Variants in BTBD7 observed in about 807,000 individuals in gnomAD.
BTBD7 encodes the protein BTB/POZ domain-containing protein 7.
A neutral mutation model predicts 99.9 loss-of-function variants in BTBD7; 38 were observed. That is an observed-to-expected ratio of 0.38 (90% CI 0.29 to 0.50). The LOEUF (loss-of-function observed/expected upper bound fraction) is 0.50. Among genes scored for constraint, BTBD7 ranks in the 20% least tolerant of loss-of-function variants. The pLI is 0.93. For synonymous variants in BTBD7, 520 were observed against 511.4 expected, an observed-to-expected ratio of 1.02 and a Z score of -0.23; for missense variants, 1,170 against 1,394.6, an observed-to-expected ratio of 0.84 and a Z score of 2.57.
At chr14:93,317,685 G>C (rs985382517) in intron 1 of BTBD7, among the ~76,000 whole-genome samples, 1 of 152,220 alleles carries the variant, frequency 6.6e-6, no homozygotes, top group African/African-American at 2.4e-5. Context: ...TGCATGCAAA[G>C]ATGGCCCTTG....
chr14:93,288,607 G>T (rs1409203401), intron 3 of BTBD7: 2 of 1,003,504 alleles, frequency 2.0e-6, no homozygotes, highest in Admixed American at 3.4e-5. Flanking sequence ...TTCCTCAAAT[G>T]TCCAGTTATC....
At chr14:93,259,147 C>G (rs1053311522) in intron 5 of BTBD7, among the ~76,000 whole-genome samples, 1 of 152,192 alleles carries the variant, frequency 6.6e-6, no homozygotes, top group Non-Finnish European at 1.5e-5. Context: ...CTGGGTACAA[C>G]ATTTTTGTCC....
In BTBD7 at chr14:93,307,502, A is replaced by G. The variant is rs537018867; in HGVS notation, c.-106-11345T>C. Among the ~76,000 whole-genome samples the G allele has an allele frequency of 5.9e-5, 9 of 152,242 alleles. No individual in the cohort carries two copies. The South Asian group carries it at 1.9e-3, about 32-fold the overall frequency. ...ATCTTACAACAATTGATTTCCTCAT[A>G]TAGGTACTAGGTACTGGTCAAGATA... On this transcript the variant is annotated intron_variant, in intron 1 of 10. Coordinates refer to ENST00000334746, the MANE Select transcript of BTBD7 (RefSeq NM_001002860.4).
chr14:93,281,510 T>C (rs979866256), intron 3 of BTBD7, among the ~76,000 whole-genome samples: 2 of 152,248 alleles, frequency 1.3e-5, no homozygotes, highest in Admixed American at 6.5e-5. Context: ...CTTTTAGTAT[T>C]ATCTGTGTTA....
rs201292415 is a variant in BTBD7 at position 93,310,419 on chromosome 14, A to AT, written c.-106-14263dup. ...GCATATGGGTTCCTCCCCCTTTACA[A>AT]TTTTTTTTTGTTGAAGAAATCAGGT... On this transcript the variant is annotated intron_variant, in intron 1 of 10. Transcript: ENST00000334746. Among the ~76,000 whole-genome samples the AT allele has an allele frequency of 1.7e-3, 256 of 151,402 alleles. 2 individuals are homozygous for AT. The highest frequency in any genetic ancestry group is 5.7e-3 in the African/African-American group (234 of 41,328).
intron 3 of BTBD7, among the ~76,000 whole-genome samples, chr14:93,276,881 C>G (rs1392772987): frequency 1.4e-5 from 2 of 147,536 alleles, no homozygotes; most frequent in Non-Finnish European, 3.0e-5. Flanking sequence ...GACACACACA[C>G]ACACAGATTA....
In BTBD7 at chr14:93,293,914, T is replaced by G; in HGVS notation, c.1106A>C (p.Glu369Ala). 1.9e-6 allele frequency: 3 copies of G among 1,613,766 alleles called. No individual in the cohort carries two copies. The highest frequency in any genetic ancestry group is 1.1e-5 in the South Asian group (1 of 91,050). Residue 369 changes from glutamate (E) to alanine (A), a missense_variant, in exon 3 of 11, where the codon GAA (glutamate) becomes GCA (alanine). Coordinates refer to ENST00000334746, the MANE Select transcript of BTBD7 (RefSeq NM_001002860.4). ...TGCTATGTGGTAAAGTTCCATGGCT[T>G]CTTCTGCCCTGGTCATGTTTGGCTT... The part of the protein sequence containing the change: ...AGKPNMTRAE[E>A]AMELYHIALF...
At chr14:93,332,548 G>A (rs1595352608) in intron 1 of BTBD7, among the ~76,000 whole-genome samples, 2 of 151,214 alleles carry the variant, frequency 1.3e-5, no homozygotes, top group South Asian at 4.2e-4. Flanking sequence ...CGCCCCGAGC[G>A]CCACACCTCG....
chr14:93,332,716 G>C, intron 1 of BTBD7, 104 bp downstream of exon 1: 1 of 1,317,208 alleles, frequency 7.6e-7, no homozygotes, highest in Non-Finnish European at 9.7e-7. Flanking sequence ...CCCCAGCCCC[G>C]GCGCCCCCAC....
At position 93,238,092 on chromosome 14, in the gene BTBD7, A is replaced by C. The variant is rs1270316125; in HGVS notation, c.*4181T>G. 6.6e-6 allele frequency: 1 copy of C among 152,554 alleles called. No individual in the cohort carries two copies. The highest frequency in any genetic ancestry group is 1.5e-5 in the Non-Finnish European group (1 of 68,040). The allele number at this position is 152,554 out of a possible 1,614,324, so 9.5% of individuals were successfully genotyped here. ...AGTTACATGTAGGTACAGATGATGAAGCTTCCAGAGCTTATCTGATCTCTT... is the reference window on the plus strand; with the variant it reads ...AGTTACATGTAGGTACAGATGATGACGCTTCCAGAGCTTATCTGATCTCTT... On this transcript the variant is annotated 3_prime_UTR_variant, in exon 11 of 11. Coordinates refer to ENST00000334746, the MANE Select transcript of BTBD7 (RefSeq NM_001002860.4).
In BTBD7 at chr14:93,284,101, T is replaced by A. The variant is rs2052751731; in HGVS notation, c.1162+9757A>T. On this transcript the variant is annotated intron_variant, in intron 3 of 10. Coordinates refer to ENST00000334746, the MANE Select transcript of BTBD7 (RefSeq NM_001002860.4). ...TATTATTAAATTTGAGATATATAATTAGTTCTTTGATCTAAATTATAAATT... is the reference window on the plus strand; with the variant it reads ...TATTATTAAATTTGAGATATATAATAAGTTCTTTGATCTAAATTATAAATT... Among the ~76,000 whole-genome samples the A allele has an allele frequency of 3.9e-5, 6 of 152,228 alleles. No individual in the cohort carries two copies. In the South Asian group the frequency reaches 1.2e-3, roughly 31 times the overall value.
chr14:93,293,829 A>T, intron 3 of BTBD7, 29 bp downstream of exon 3: 1 of 1,570,066 alleles, frequency 6.4e-7, no homozygotes, highest in East Asian at 2.2e-5. Flanking sequence ...TAATTCTATA[A>T]ATCAGAATTA....
At chr14:93,325,085 G>A (rs1381801986) in intron 1 of BTBD7, among the ~76,000 whole-genome samples, 2 of 148,306 alleles carry the variant, frequency 1.3e-5, no homozygotes, top group African/African-American at 2.5e-5. Context: ...GGTATTTTAA[G>A]TAGAGAAGCA....
intron 1 of BTBD7, among the ~76,000 whole-genome samples, chr14:93,305,545 A>C (rs777159823): frequency 1.2e-4 from 19 of 152,244 alleles, no homozygotes; most frequent in Non-Finnish European, 2.5e-4. Context: ...CTTTCTTATA[A>C]CTATGGTAAT....
At chr14:93,332,448 A>G (rs1296893557) in intron 1 of BTBD7, 2 of 156,846 alleles carry the variant, frequency 1.3e-5, no homozygotes, top group African/African-American at 4.8e-5. Context: ...GCGGTTTCTC[A>G]GCGTCCTGGG....
rs371659678 is a variant in BTBD7, at chr14:93,288,711, T to C, written c.1162+5147A>G. 9 of 1,608,210 alleles carry C rather than the reference T, an allele frequency of 5.6e-6. No individual in the cohort carries two copies. The South Asian group carries it at 7.8e-5, about 14-fold the overall frequency. On this transcript the variant is annotated intron_variant, in intron 3 of 10. Transcript: ENST00000334746. ...GGCCTGATGACTGTAGTCTCCTCTG[T>C]AAAACAAATGGAAGGCAAGCTGGCT... is the stretch of plus-strand genomic sequence containing the variant.
intron 1 of BTBD7, among the ~76,000 whole-genome samples, chr14:93,324,273 C>T (rs1276565282): frequency 6.6e-6 from 1 of 151,954 alleles, no homozygotes; most frequent in East Asian, 1.9e-4. Context: ...CCTGCCTCTA[C>T]AAATAATTTT....
chr14:93,242,549 C>T lies in BTBD7; in HGVS notation c.3123G>A (p.Leu1041=). The T allele has an allele frequency of 2.5e-6, 4 of 1,614,202 alleles. No individual in the cohort carries two copies. Among genetic ancestry groups the T allele is most frequent in the Non-Finnish European group, 3.4e-6 (4 of 1,180,038 alleles). The change falls in exon 11 of 11, where the codon TTG becomes TTA. Residue 1041 remains leucine (L), a synonymous_variant. Transcript: ENST00000334746. ...EQPPQRSDFP[L]AAPENASTGP... ...CGGTACTAGCATTTTCTGGGGCTGC[C>T]AAAGGAAAGTCTGACCGCTGGGGAG...
chr14:93,257,215 T>C lies in BTBD7; in HGVS notation c.1588A>G (p.Ser530Gly), dbSNP rs761260432. 1.2e-6 allele frequency: 2 copies of C among 1,613,994 alleles called. No homozygotes were observed. Among genetic ancestry groups the C allele is most frequent in the Admixed American group, 1.7e-5 (1 of 59,980 alleles). The stretch of plus-strand genomic sequence containing the variant: ...CTTACTGCATCACTTAAGACTTCAC[T>C]GTTTATAGGTAAGATGTGTTCAATT... Reference protein sequence around the residue: ...VRIEHILPINSEVLSDAMKRG... With the variant: ...VRIEHILPINGEVLSDAMKRG... The change falls in exon 6 of 11, where the codon AGT becomes GGT. Residue 530 changes from serine (S) to glycine (G), a missense_variant. Ser to Gly is a moderately conservative substitution (Grantham distance 56, BLOSUM62 0). This residue lies in a region of BTBD7 where 309 missense variants were observed against 342.0 expected (regional missense o/e 0.90). Coordinates refer to ENST00000334746, the MANE Select transcript of BTBD7 (RefSeq NM_001002860.4).
Sources: gnomAD v4.1 joint callset for allele counts (sites outside exome capture counted in the v4.1 genomes callset) on GRCh38, gnomAD v4.1.1 for gene constraint, gnomAD v4.1.1 regional missense constraint, MANE v1.5 for transcripts, NCBI Gene and HGNC (gene_info 2026-07-23, HGNC 2026-07-21) for gene names.